The following STIM2 variants were observed in gnomAD, a reference collection of about 807,000 sequenced individuals.
The protein encoded by STIM2 is stromal interaction molecule 2.
A neutral mutation model predicts 85.8 loss-of-function variants in STIM2; 31 were observed. The ratio of observed to expected loss-of-function variants is 0.36; its 90% CI spans 0.27 to 0.49. STIM2 has a LOEUF of 0.49. Ranked by LOEUF, STIM2 falls within the 20% of genes least tolerant of loss-of-function variation. STIM2 has a pLI of 0.98. For synonymous variants in STIM2, 356 were observed against 331.1 expected (o/e 1.08, Z -0.82); for missense variants, 841 against 927.6 (o/e 0.91, Z 1.21).
Position 26,894,136 on chromosome 4 carries a change from C to T in STIM2, c.152-25368C>T, listed in dbSNP as rs560379416. On this transcript the variant is annotated intron_variant, in intron 1 of 11. Coordinates refer to ENST00000467087, the MANE Select transcript of STIM2 (RefSeq NM_020860.4). ...ACTCCTGACTTCGTGATCCACCCGC[C>T]TCGGCCTCCCAAAGTGCTGGGATTA... Among the ~76,000 whole-genome samples, 3 of 152,352 alleles carry T rather than the reference C, an allele frequency of 2.0e-5. No individual in the cohort carries two copies. In the East Asian group the frequency reaches 5.8e-4, roughly 29 times the overall value.
At chr4:26,943,415 A>G (rs993164812) in intron 2 of STIM2, among the ~76,000 whole-genome samples, 1 of 152,056 alleles carries the variant, frequency 6.6e-6, no homozygotes. Context: ...AGGCTATGTT[A>G]TCTTTTTTGT....
chr4:27,008,146 C>T (rs1728434803), intron 8 of STIM2: 1 of 591,166 alleles, frequency 1.7e-6, no homozygotes, highest in Non-Finnish European at 3.0e-6. Context: ...TAATGTTCTT[C>T]TGTTACTTTT....
chr4:26,876,954 CT>C (rs905519755), intron 1 of STIM2, among the ~76,000 whole-genome samples: 5 of 152,060 alleles, frequency 3.3e-5, no homozygotes, highest in African/African-American at 1.2e-4. Flanking sequence ...TTGTATTAAC[CT>C]TTTGCTTTGA....
intron 2 of STIM2, among the ~76,000 whole-genome samples, chr4:26,928,177 T>C (rs1221967153): frequency 1.3e-5 from 2 of 152,072 alleles, no homozygotes; most frequent in African/African-American, 4.8e-5. Context: ...CTCCTGAGGG[T>C]TGGGCCCTTA....
chr4:26,901,325 G>T (rs1461182081), intron 1 of STIM2, among the ~76,000 whole-genome samples: 1 of 152,062 alleles, frequency 6.6e-6, no homozygotes, highest in Admixed American at 6.6e-5. Context: ...AGGAACTGAG[G>T]TTATGTTCTT....
At chr4:26,901,194 G>A (rs1723906155) in intron 1 of STIM2, among the ~76,000 whole-genome samples, 1 of 152,074 alleles carries the variant, frequency 6.6e-6, no homozygotes, top group Non-Finnish European at 1.5e-5. Flanking sequence ...AATATGTTTT[G>A]CACATTTTCA....
At position 26,861,031 on chromosome 4, in the gene STIM2, C is replaced by T; in HGVS notation, c.-188C>T. 3 of 1,226,582 alleles carry T rather than the reference C, an allele frequency of 2.4e-6. No homozygotes were observed. The highest frequency in any genetic ancestry group is 2.2e-5 in the South Asian group (1 of 45,476). 76.0% of individuals were successfully genotyped at this position (1,226,582 alleles called of 1,614,324 possible). On this transcript the variant is annotated 5_prime_UTR_variant, in exon 1 of 12. Transcript: ENST00000467087. ...ACCAGGCTGGCGCCCGGCGGGAGCC[C>T]GTGTCTGAGGCGGCGGGGGCGGCCG...
At chr4:26,950,692 C>G (rs1381309071) in intron 2 of STIM2, among the ~76,000 whole-genome samples, 1 of 152,156 alleles carries the variant, frequency 6.6e-6, no homozygotes, top group Non-Finnish European at 1.5e-5. Flanking sequence ...TATAAATAAT[C>G]ACACAGTCTC....
chr4:26,862,124 CT>C (rs971322119), intron 1 of STIM2, among the ~76,000 whole-genome samples: 1 of 151,834 alleles, frequency 6.6e-6, no homozygotes, highest in Admixed American at 6.6e-5. Flanking sequence ...GCACTAGCAC[CT>C]TTTTTTTAAT....
intron 1 of STIM2, among the ~76,000 whole-genome samples, chr4:26,862,451 G>A (rs1404643372): frequency 1.3e-5 from 2 of 151,916 alleles, no homozygotes; most frequent in South Asian, 2.1e-4. Context: ...TGATAGTCCT[G>A]CGGGCGTCTG....
At chr4:26,908,522 C>T (rs911697688) in intron 1 of STIM2, among the ~76,000 whole-genome samples, 5 of 152,312 alleles carry the variant, frequency 3.3e-5, no homozygotes, top group Non-Finnish European at 1.5e-5. Flanking sequence ...GTCTTGCTGT[C>T]GCCCAGCCTG....
chr4:26,877,237 C>A (rs1264409804), intron 1 of STIM2, among the ~76,000 whole-genome samples: 1 of 151,996 alleles, frequency 6.6e-6, no homozygotes, highest in Non-Finnish European at 1.5e-5. Context: ...TTCTGTTGAC[C>A]TAAGTTCATG....
chr4:26,969,690 T>C (rs964021763), intron 3 of STIM2, among the ~76,000 whole-genome samples: 9 of 152,208 alleles, frequency 5.9e-5, no homozygotes, highest in African/African-American at 2.2e-4. Context: ...CATTATCTTT[T>C]AGATGTGTAA....
At chr4:26,903,816 C>CT (rs902524959) in intron 1 of STIM2, among the ~76,000 whole-genome samples, 3 of 151,552 alleles carry the variant, frequency 2.0e-5, no homozygotes, top group Non-Finnish European at 2.9e-5. Flanking sequence ...CCATCTGATT[C>CT]TTTTTTTTGT....
intron 1 of STIM2, among the ~76,000 whole-genome samples, chr4:26,901,319 A>G (rs1034716963): frequency 6.6e-6 from 1 of 152,180 alleles, no homozygotes; most frequent in African/African-American, 2.4e-5. Context: ...ATTTCTAGGA[A>G]CTGAGGTTAT....
At chr4:27,006,007 T>C (rs1222067151) in intron 7 of STIM2, among the ~76,000 whole-genome samples, 1 of 152,186 alleles carries the variant, frequency 6.6e-6, no homozygotes, top group Non-Finnish European at 1.5e-5. Flanking sequence ...GTTATGCAGG[T>C]CTGCATGAAC....
At chr4:26,896,080 T>C (rs1010612628) in intron 1 of STIM2, among the ~76,000 whole-genome samples, 1 of 152,214 alleles carries the variant, frequency 6.6e-6, no homozygotes, top group Non-Finnish European at 1.5e-5. Flanking sequence ...GTTGAGGTAA[T>C]TGAGTTCCTT....
At chr4:26,874,664 A>G (rs1375448898) in intron 1 of STIM2, among the ~76,000 whole-genome samples, 1 of 152,256 alleles carries the variant, frequency 6.6e-6, no homozygotes, top group Non-Finnish European at 1.5e-5. Context: ...TTTGATTTAT[A>G]GTCTCACAGA....
intron 1 of STIM2, among the ~76,000 whole-genome samples, chr4:26,883,936 G>T (rs1236284291): frequency 6.6e-6 from 1 of 152,298 alleles, no homozygotes; most frequent in Non-Finnish European, 1.5e-5. Flanking sequence ...CTTAGTCTTT[G>T]AAAAGTTACT....
Sources: gnomAD v4.1 joint callset for allele counts (sites outside exome capture counted in the v4.1 genomes callset) on GRCh38, gnomAD v4.1.1 for gene constraint, MANE v1.5 for transcripts, NCBI Gene and HGNC (gene_info 2026-07-23, HGNC 2026-07-21) for gene names.